Variants in SPANXN5 observed in about 807,000 individuals in gnomAD.
SPANXN5 encodes the protein SPANX family member N5.
In SPANXN5, 5 loss-of-function variants were observed where a neutral mutation model predicts 4.5. The observed-to-expected ratio is 1.11, with a 90% CI of 0.58 to 2.33. SPANXN5 has a LOEUF of 2.33. SPANXN5 is among the 30% of genes most tolerant of loss of function. The pLI is 0.01. For missense variants in SPANXN5, 41 were observed against 50.3 expected, an observed-to-expected ratio of 0.82 and a Z score of 0.56; for synonymous variants, 20 against 20.4, an observed-to-expected ratio of 0.98 and a Z score of 0.05.
rs1926567867 is a variant in SPANXN5 at position 52,796,384 on chromosome X, A to G, written c.*104T>C. 9.5e-7 allele frequency: 1 copy of G among 1,056,924 alleles called. No individual in the cohort carries two copies. The highest frequency in any genetic ancestry group is 3.1e-5 in the East Asian group (1 of 32,725). 87.1% of individuals were successfully genotyped at this position (1,056,924 alleles called of 1,213,427 possible). ...CTGTGAAGATCCTTCAGGTAATTGT[A>G]GGTCTTCATCCTGCTTTGAAGATTC... On this transcript the variant is annotated 3_prime_UTR_variant, in exon 2 of 2. Transcript: ENST00000375511.
At position 52,796,700 on chromosome X, in the gene SPANXN5, A is replaced by AG. The variant is rs1466159853; in HGVS notation, c.76-70dup. 9.4e-6 allele frequency: 11 copies of AG among 1,175,947 alleles called. No individual in the cohort carries two copies. In the African/African-American group the frequency reaches 1.4e-4, roughly 15 times the overall value. On this transcript the variant is annotated intron_variant, in intron 1 of 1. Coordinates refer to ENST00000375511, the MANE Select transcript of SPANXN5 (RefSeq NM_001009616.4). ...TGAATAGGATAGAGACTGGATAGCA[A>AG]GGGGGGCTTTATGAGAAGGAATGCA...
chrX:52,796,187 G>A lies in SPANXN5; in HGVS notation c.*301C>T. On this transcript the variant is annotated 3_prime_UTR_variant, in exon 2 of 2. Transcript: ENST00000375511. ...TTTTATTGTAATCATCACCGTTGGT[G>A]GTGAGGATTTGTCCAATTTGGTTTC... 3.3e-6 allele frequency: 1 copy of A among 300,291 alleles called. No individual in the cohort carries two copies. The highest frequency in any genetic ancestry group is 6.6e-5 in the East Asian group (1 of 15,213). 24.7% of individuals were successfully genotyped at this position (300,291 alleles called of 1,213,427 possible). A position where few individuals can be genotyped will look rare whatever the true frequency, so the allele number is the denominator to read the frequency against.
In SPANXN5 at chrX:52,796,509, T is replaced by C. The variant is rs1926571664; in HGVS notation, c.198A>G (p.Gln66=). The C allele has an allele frequency of 8.3e-7, 1 of 1,208,944 alleles. No homozygotes were observed. Among genetic ancestry groups the C allele is most frequent in the Non-Finnish European group, 1.1e-6 (1 of 894,543 alleles). The change falls in exon 2 of 2, where the codon CAA becomes CAG. Residue 66 remains glutamine, a synonymous_variant. Transcript: ENST00000375511. ...YRKTKKIHSN[Q]LENDQS The stretch of plus-strand genomic sequence containing the variant: ...TCTCTCAGGACTGGTCATTCTCGAG[T>C]TGATTTGAATGTATTTTCTTAGTCT...
Position 52,796,503 on chromosome X carries a change from C to T in SPANXN5, c.204G>A (p.Glu68=), listed in dbSNP as rs782584169. 2 of 1,210,652 alleles carry T rather than the reference C, an allele frequency of 1.7e-6. No homozygotes were observed. Among genetic ancestry groups the T allele is most frequent in the East Asian group, 3.0e-5 (1 of 33,849 alleles). ...TGGAGTTCTCTCAGGACTGGTCATT[C>T]TCGAGTTGATTTGAATGTATTTTCT... ...KTKKIHSNQL[E]NDQS is the part of the protein sequence containing the mutation. The change falls in exon 2 of 2, where the codon GAG becomes GAA. Residue 68 remains glutamate (E), a synonymous_variant. Coordinates refer to ENST00000375511, the MANE Select transcript of SPANXN5 (RefSeq NM_001009616.4).
In SPANXN5 at chrX:52,797,359, G is replaced by A. The variant is rs782503088; in HGVS notation, c.-11C>T. ...AGTGGGCTTTTCCATGATTCTGGTT[G>A]GTTGTTGAATGTCTACAGCAGGATC... is the stretch of plus-strand genomic sequence containing the variant. On this transcript the variant is annotated 5_prime_UTR_variant, in exon 1 of 2. Coordinates refer to ENST00000375511, the MANE Select transcript of SPANXN5 (RefSeq NM_001009616.4). 2 of 1,207,539 alleles carry A rather than the reference G, an allele frequency of 1.7e-6. No homozygotes were observed. The highest frequency in any genetic ancestry group is 1.8e-5 in the South Asian group (1 of 56,678).
At chrX:52,796,943 C>T in intron 1 of SPANXN5, among the ~76,000 whole-genome samples, 1 of 111,876 alleles carries the variant, frequency 8.9e-6, no homozygotes. Flanking sequence ...ACAAGGCAGA[C>T]AAAGGCCCAA....
Position 52,796,508 on chromosome X carries a change from G to A in SPANXN5, c.199C>T (p.Leu67Phe). Residue 67 changes from leucine to phenylalanine, a missense_variant, in exon 2 of 2, where the codon CTC (leucine) becomes TTC (phenylalanine). By Grantham distance (22) the Leu-to-Phe change is conservative (BLOSUM62 0). Transcript: ENST00000375511. The stretch of plus-strand genomic sequence containing the variant: ...TTCTCTCAGGACTGGTCATTCTCGA[G>A]TTGATTTGAATGTATTTTCTTAGTC... ...RKTKKIHSNQ[L>F]ENDQS The A allele has an allele frequency of 2.5e-6, 3 of 1,211,008 alleles. No individual in the cohort carries two copies. Among genetic ancestry groups the A allele is most frequent in the East Asian group, 3.0e-5 (1 of 33,850 alleles).
chrX:52,796,251 T>C lies in SPANXN5; in HGVS notation c.*237A>G. ...AGTCTTCCTCACCCTCCTCTGACGA[T>C]CCTTCAGATGAGTCTGGGTCTTCTT... On this transcript the variant is annotated 3_prime_UTR_variant, in exon 2 of 2. Coordinates refer to ENST00000375511, the MANE Select transcript of SPANXN5 (RefSeq NM_001009616.4). The C allele has an allele frequency of 2.3e-6, 1 of 440,991 alleles. No individual in the cohort carries two copies. Among genetic ancestry groups the C allele is most frequent in the Admixed American group, 3.5e-5 (1 of 28,959 alleles). The allele number at this position is 440,991 out of a possible 1,213,427, so 36.3% of individuals were successfully genotyped here. A position where few individuals can be genotyped will look rare whatever the true frequency, so the allele number is the denominator to read the frequency against.
intron 1 of SPANXN5, among the ~76,000 whole-genome samples, chrX:52,796,985 G>A (rs1473009937): frequency 2.7e-5 from 3 of 111,447 alleles, no homozygotes; most frequent in Non-Finnish European, 3.8e-5. Context: ...ATCTTGCTTG[G>A]CAAAGTTCTA....
At chrX:52,796,694 A>G (rs1601997083) in intron 1 of SPANXN5, 63 bp from the exon 2 acceptor site, 3 of 1,185,331 alleles carry the variant, frequency 2.5e-6, no homozygotes, top group East Asian at 3.0e-5. Flanking sequence ...TAGAGACTGG[A>G]TAGCAAGGGG....
rs782796457 is a variant in SPANXN5 at position 52,797,185 on chromosome X, G to A, written c.75+89C>T. 1.2e-5 allele frequency: 12 copies of A among 994,987 alleles called. No individual in the cohort carries two copies. In the African/African-American group the frequency reaches 1.9e-4, roughly 16 times the overall value. 82.0% of individuals were successfully genotyped at this position (994,987 alleles called of 1,213,427 possible). On this transcript the variant is annotated intron_variant, in intron 1 of 1. Coordinates refer to ENST00000375511, the MANE Select transcript of SPANXN5 (RefSeq NM_001009616.4). ...TGGTCCCCCACTTCCACAAGCGTCT[G>A]CAGTATTCCTGTGTTGCTGTTTGAG... is the stretch of plus-strand genomic sequence containing the variant.
chrX:52,797,336 T>C lies in SPANXN5; in HGVS notation c.13A>G (p.Thr5Ala). 3.3e-6 allele frequency: 4 copies of C among 1,211,463 alleles called. No homozygotes were observed. Among genetic ancestry groups the C allele is most frequent in the Middle Eastern group, 2.3e-4 (1 of 4,354 alleles). Reference protein sequence around the residue: MEKPTSSTNGEKRKS... With the variant: MEKPASSTNGEKRKS... ...CTCTTCTCCCCATTGGTGCTTGAAG[T>C]GGGCTTTTCCATGATTCTGGTTGGT... is the stretch of plus-strand genomic sequence containing the variant. Residue 5 changes from threonine (T) to alanine (A), a missense_variant, in exon 1 of 2, where the codon ACT becomes GCT. Coordinates refer to ENST00000375511, the MANE Select transcript of SPANXN5 (RefSeq NM_001009616.4).
At chrX:52,797,074 G>A (rs781987524) in intron 1 of SPANXN5, among the ~76,000 whole-genome samples, 200 bp downstream of exon 1, 2 of 110,469 alleles carry the variant, frequency 1.8e-5, no homozygotes, top group African/African-American at 6.6e-5. Flanking sequence ...TATCCTGCTG[G>A]GCAGCAAGCC....
rs148824000 is a variant in SPANXN5 at position 52,796,548 on chromosome X, C to T, written c.159G>A (p.Val53=). The T allele has an allele frequency of 1.7e-6, 2 of 1,211,672 alleles. No individual in the cohort carries two copies. Among genetic ancestry groups the T allele is most frequent in the African/African-American group, 3.5e-5 (2 of 57,876 alleles). ...MKTSEYSTVL[V]LCYRKTKKIH... is the part of the protein sequence containing the mutation. ...TTTTCTTAGTCTTCCTGTAGCACAA[C>T]ACTAATACTGTTGAATATTCTGATG... Residue 53 remains valine (V), a synonymous_variant, in exon 2 of 2, where the codon GTG becomes GTA. Coordinates refer to ENST00000375511, the MANE Select transcript of SPANXN5 (RefSeq NM_001009616.4).
Position 52,796,302 on chromosome X carries a change from G to T in SPANXN5, c.*186C>A. On this transcript the variant is annotated 3_prime_UTR_variant, in exon 2 of 2. Transcript: ENST00000375511. ...CCTCCATCAAAGATCCTTCAGATGAGTCTAGGTCTTCATCCTCTTGTGAAG... is the reference window on the plus strand; with the variant it reads ...CCTCCATCAAAGATCCTTCAGATGATTCTAGGTCTTCATCCTCTTGTGAAG... The T allele has an allele frequency of 1.6e-6, 1 of 626,449 alleles. No individual in the cohort carries two copies. The highest frequency in any genetic ancestry group is 2.5e-6 in the Non-Finnish European group (1 of 395,533). The allele number at this position is 626,449 out of a possible 1,213,427, so 51.6% of individuals were successfully genotyped here.
At chrX:52,797,251 A>T in intron 1 of SPANXN5, 23 bp downstream of exon 1, 1 of 1,206,447 alleles carries the variant, frequency 8.3e-7, no homozygotes. Flanking sequence ...CCTCGCCTTC[A>T]CTTCAAAACC....
At chrX:52,796,746 C>T in intron 1 of SPANXN5, 115 bp from the exon 2 acceptor site, 3 of 1,018,641 alleles carry the variant, frequency 2.9e-6, no homozygotes, top group Non-Finnish European at 2.7e-6. Context: ...GGGGTTCGAT[C>T]CAGAGAAGAA....
In SPANXN5 at chrX:52,796,614, G is replaced by A; in HGVS notation, c.93C>T (p.Asn31=). The change falls in exon 2 of 2, where the codon AAC becomes AAT. Residue 31 remains asparagine (N), a synonymous_variant. Transcript: ENST00000375511. The stretch of plus-strand genomic sequence containing the variant: ...AACTCGGTTCGAGGACTAAGTCCCT[G>A]TTTGGTGTCTCCTGCATCTGTTAAG... The part of the protein sequence containing the change: ...SKNDEMQETP[N]RDLVLEPSLK... 4 of 1,211,719 alleles carry A rather than the reference G, an allele frequency of 3.3e-6. No individual in the cohort carries two copies. Among genetic ancestry groups the A allele is most frequent in the Non-Finnish European group, 4.5e-6 (4 of 895,405 alleles).
Position 52,796,156 on chromosome X carries a change from A to G in SPANXN5, c.*332T>C, listed in dbSNP as rs144412302. On this transcript the variant is annotated 3_prime_UTR_variant, in exon 2 of 2. Coordinates refer to ENST00000375511, the MANE Select transcript of SPANXN5 (RefSeq NM_001009616.4). ...ATATATGCAGCCATCAGCTTCTCAA[A>G]CTTGATTTTATTGTAATCATCACCG... 0.032 allele frequency: 7,963 copies of G among 246,634 alleles called. 568 individuals carry two copies. The highest frequency in any genetic ancestry group is 0.21 in the African/African-American group (7,294 of 34,910). 20.3% of individuals were successfully genotyped at this position (246,634 alleles called of 1,213,427 possible). A position where few individuals can be genotyped will look rare whatever the true frequency, so the allele number is the denominator to read the frequency against.
Sources: gnomAD v4.1 joint callset for allele counts (sites outside exome capture counted in the v4.1 genomes callset) on GRCh38, gnomAD v4.1.1 for gene constraint, MANE v1.5 for transcripts, NCBI Gene and HGNC (gene_info 2026-07-23, HGNC 2026-07-21) for gene names.